Variants in CRKL observed in about 807,000 individuals in gnomAD.
CRKL encodes CRK like proto-oncogene, adaptor protein.
CRKL carries 3 observed loss-of-function variants against 23.0 expected under a neutral mutation model. The observed-to-expected ratio is 0.13, with a 90% CI of 0.06 to 0.34. The LOEUF (loss-of-function observed/expected upper bound fraction) is 0.34, where lower values mean the gene tolerates loss of function less well. Among genes scored for constraint, CRKL ranks in the 10% least tolerant of loss-of-function variants. The pLI is 1.00. For missense variants in CRKL, 256 were observed against 394.5 expected (o/e 0.65, Z 2.97); for synonymous variants, 188 against 160.7 (o/e 1.17, Z -1.28).
At chr22:20,919,381 C>A (rs921686912) in intron 1 of CRKL, among the ~76,000 whole-genome samples, 3 of 152,150 alleles carry the variant, frequency 2.0e-5, no homozygotes, top group Non-Finnish European at 4.4e-5. Context: ...TTGAATGACA[C>A]TTAGTTGTAT....
intron 2 of CRKL, among the ~76,000 whole-genome samples, chr22:20,943,263 TCTCA>T (rs1254338131): frequency 1.3e-5 from 2 of 152,022 alleles, no homozygotes; most frequent in African/African-American, 2.4e-5. Flanking sequence ...TGAGACAGAG[TCTCA>T]CTCTGTCGCC....
chr22:20,941,721 G>A (rs915913638), intron 2 of CRKL, among the ~76,000 whole-genome samples: 4 of 148,656 alleles, frequency 2.7e-5, no homozygotes, highest in African/African-American at 7.5e-5. Context: ...AGCCTCCCGA[G>A]TAGCTGGGAT....
chr22:20,920,657 C>T (rs73390465), intron 1 of CRKL, among the ~76,000 whole-genome samples: 4,514 of 152,196 alleles, frequency 0.03, 219 homozygotes, highest in African/African-American at 0.1. Context: ...TGCCCTCTTT[C>T]GTCCTTCCTT....
intron 1 of CRKL, among the ~76,000 whole-genome samples, chr22:20,921,589 AG>A (rs1281667324): frequency 1.3e-5 from 2 of 152,358 alleles, no homozygotes; most frequent in Non-Finnish European, 2.9e-5. Context: ...AGAAGAACCC[AG>A]CCTAGGCAAG....
In CRKL at chr22:20,948,435, AG is replaced by A. The variant is rs1922150218; in HGVS notation, c.778-1271del. On this transcript the variant is annotated intron_variant, in intron 2 of 2. Coordinates refer to ENST00000354336, the MANE Select transcript of CRKL (RefSeq NM_005207.4). ...TGCATCCAAAGGGTATGATCATTAG[AG>A]GGGGCGTGGGGTTGGGGGATGGGTT... 2.0e-5 allele frequency among the ~76,000 whole-genome samples: 3 copies of A among 151,334 alleles called. 1 individual carries two copies. The highest frequency in any genetic ancestry group is 2.0e-4 in the Admixed American group (3 of 15,166).
chr22:20,953,038 C>G lies in CRKL; in HGVS notation c.*3193C>G, dbSNP rs774195576. ...TACAGCTGTTTACAGACAAGGCAGGCCTGAGGCAGATGGCCACTGCTCTTG... is the reference window on the plus strand; with the variant it reads ...TACAGCTGTTTACAGACAAGGCAGGGCTGAGGCAGATGGCCACTGCTCTTG... On this transcript the variant is annotated 3_prime_UTR_variant, in exon 3 of 3. Transcript: ENST00000354336. 5.0e-4 allele frequency: 115 copies of G among 232,162 alleles called. No homozygotes were observed. Among genetic ancestry groups the G allele is most frequent in the Middle Eastern group, 1.3e-3 (1 of 782 alleles). 14.4% of individuals were successfully genotyped at this position (232,162 alleles called of 1,614,324 possible).
chr22:20,924,786 G>A (rs1921133635), intron 1 of CRKL, among the ~76,000 whole-genome samples: 1 of 152,188 alleles, frequency 6.6e-6, no homozygotes, highest in Non-Finnish European at 1.5e-5. Flanking sequence ...GTTAAAGTGA[G>A]TCGAGGTCGT....
intron 1 of CRKL, among the ~76,000 whole-genome samples, chr22:20,923,417 A>C (rs1435265912): frequency 6.7e-6 from 1 of 150,214 alleles, no homozygotes; most frequent in Admixed American, 6.7e-5. Context: ...AGCTGGGACT[A>C]CAGGTGCCCG....
intron 1 of CRKL, among the ~76,000 whole-genome samples, chr22:20,932,116 T>C (rs1921478132): frequency 6.6e-6 from 1 of 150,814 alleles, no homozygotes. Flanking sequence ...GGCCTCTTAT[T>C]TATTTATGTT....
intron 2 of CRKL, among the ~76,000 whole-genome samples, chr22:20,939,855 C>G (rs1002084682): frequency 6.8e-6 from 1 of 146,824 alleles, no homozygotes; most frequent in Non-Finnish European, 1.5e-5. Context: ...ATGGCGTGAT[C>G]TCGGCTCACT....
intron 2 of CRKL, among the ~76,000 whole-genome samples, chr22:20,946,885 A>G (rs889183524): frequency 1.3e-5 from 2 of 152,208 alleles, no homozygotes; most frequent in African/African-American, 4.8e-5. Flanking sequence ...ATCTGAGCAC[A>G]AGCACTGTTT....
chr22:20,920,201 G>A (rs529176003), intron 1 of CRKL, among the ~76,000 whole-genome samples: 4 of 152,224 alleles, frequency 2.6e-5, no homozygotes, highest in African/African-American at 7.2e-5. Flanking sequence ...TAATACAGCT[G>A]TTTCAAAAAG....
chr22:20,922,006 CTTTTTTTTTTTT>C (rs66728040), intron 1 of CRKL, among the ~76,000 whole-genome samples: 30 of 69,936 alleles, frequency 4.3e-4, no homozygotes, highest in African/African-American at 1.6e-3. Flanking sequence ...CTGCGCCCGG[CTTTTTTTTTTTT>C]TTTTTTTTTT....
rs371375878 is a variant in CRKL, at chr22:20,944,993, ACTTT to A, written c.778-4709_778-4706del. Among the ~76,000 whole-genome samples the A allele has an allele frequency of 2.8e-3, 425 of 151,244 alleles. 2 individuals carry two copies. Among genetic ancestry groups the A allele is most frequent in the African/African-American group, 9.7e-3 (398 of 41,206 alleles). On this transcript the variant is annotated intron_variant, in intron 2 of 2. Transcript: ENST00000354336. ...GAGCTACCGTGCCCTGCCTGGAATTACTTTCTTTCTTTTTTTTTGGGATGGAGTT... is the reference window on the plus strand; with the variant it reads ...GAGCTACCGTGCCCTGCCTGGAATTACTTTCTTTTTTTTTGGGATGGAGTT...
intron 1 of CRKL, among the ~76,000 whole-genome samples, chr22:20,923,957 C>A (rs887967219): frequency 8.6e-5 from 13 of 151,740 alleles, no homozygotes; most frequent in Admixed American, 6.6e-5. Context: ...GAGGTTAAGG[C>A]AGGAGGATCG....
rs891471065 is a variant in CRKL at position 20,951,015 on chromosome 22, T to G, written c.*1170T>G. 4.3e-6 allele frequency: 1 copy of G among 232,710 alleles called. No individual in the cohort carries two copies. The highest frequency in any genetic ancestry group is 2.2e-5 in the African/African-American group (1 of 45,320). 14.4% of individuals were successfully genotyped at this position (232,710 alleles called of 1,614,324 possible). ...TACTTTAGGGAAACCTTTGCTTACC[T>G]TGTTTTGCCAGTGATAAGAGCAGTG... On this transcript the variant is annotated 3_prime_UTR_variant, in exon 3 of 3. Transcript: ENST00000354336.
chr22:20,933,514 A>G (rs1921540600), intron 1 of CRKL, among the ~76,000 whole-genome samples: 1 of 151,216 alleles, frequency 6.6e-6, no homozygotes, highest in African/African-American at 2.4e-5. Flanking sequence ...TAAAAATAAA[A>G]AAAGTTACCT....
intron 1 of CRKL, among the ~76,000 whole-genome samples, chr22:20,928,839 GA>G (rs1202359907): frequency 2.2e-5 from 3 of 138,790 alleles, no homozygotes; most frequent in South Asian, 4.9e-4. Context: ...AAAAAAAAAG[GA>G]ATATTACCAG....
In CRKL at chr22:20,933,450, C is replaced by T. The variant is rs1237890865; in HGVS notation, c.312-329C>T. Among the ~76,000 whole-genome samples the T allele has an allele frequency of 4.0e-5, 6 of 151,866 alleles. No individual in the cohort carries two copies. The East Asian group carries it at 9.7e-4, about 25-fold the overall frequency. On this transcript the variant is annotated intron_variant, in intron 1 of 2. Transcript: ENST00000354336. ...GGGAGGCCGAGGTGCGTGGATCGCC[C>T]GAGGTCAGGAGTTCAAGACCAGCCT... is the stretch of plus-strand genomic sequence containing the variant.
Sources: gnomAD v4.1 joint callset for allele counts (sites outside exome capture counted in the v4.1 genomes callset) on GRCh38, gnomAD v4.1.1 for gene constraint, MANE v1.5 for transcripts, NCBI Gene and HGNC (gene_info 2026-07-23, HGNC 2026-07-21) for gene names.